ST7L: variants seen among roughly 807,000 people sequenced by gnomAD.
ST7L encodes the protein suppressor of tumorigenicity 7 protein-like.
ST7L carries 57 observed loss-of-function variants against 72.5 expected under a neutral mutation model. That is an observed-to-expected ratio of 0.79 (90% confidence interval 0.64 to 0.98). The LOEUF (loss-of-function observed/expected upper bound fraction) is 0.98. Ranked by LOEUF, ST7L falls within the 50% of genes least tolerant of loss-of-function variation. ST7L has a pLI of 0.00. For synonymous variants in ST7L, 221 were observed against 240.9 expected (o/e 0.92, Z 0.77); for missense variants, 576 against 672.2 (o/e 0.86, Z 1.58).
intron 11 of ST7L, among the ~76,000 whole-genome samples, chr1:112,573,348 C>CAAAAAAAAAAAAAAAACAAAAAAA: frequency 1.4e-5 from 1 of 69,664 alleles, no homozygotes; most frequent in Non-Finnish European, 2.7e-5. Context: ...AACTCCCTCT[C>CAAAAAAAAAAAAAAAACAAAAAAA]AAAAAAAAAA....
At chr1:112,565,745 A>C (rs1048948331) in intron 11 of ST7L, among the ~76,000 whole-genome samples, 1 of 152,144 alleles carries the variant, frequency 6.6e-6, no homozygotes, top group African/African-American at 2.4e-5. Context: ...GGCCAGGCAC[A>C]GTGGCTCATG....
chr1:112,603,643 G>A (rs562580178), intron 3 of ST7L, among the ~76,000 whole-genome samples: 2 of 152,296 alleles, frequency 1.3e-5, no homozygotes, highest in South Asian at 4.1e-4. Flanking sequence ...CACAATGTGT[G>A]TATAGCTCAG....
intron 5 of ST7L, among the ~76,000 whole-genome samples, chr1:112,593,032 A>G (rs1665935373): frequency 6.6e-6 from 1 of 151,912 alleles, no homozygotes; most frequent in South Asian, 2.1e-4. Context: ...AGTGTAACAC[A>G]GTATAATCAG....
At chr1:112,548,766 A>C (rs956190384) in intron 13 of ST7L, among the ~76,000 whole-genome samples, 2 of 152,246 alleles carry the variant, frequency 1.3e-5, no homozygotes, top group African/African-American at 4.8e-5. Flanking sequence ...ACTAGTTTAC[A>C]GAGGAAAGAA....
intron 2 of ST7L, among the ~76,000 whole-genome samples, chr1:112,614,808 G>C (rs752431809): frequency 1.3e-5 from 2 of 152,068 alleles, no homozygotes; most frequent in Non-Finnish European, 2.9e-5. Context: ...AATTTAAAGG[G>C]AAGAGAAAAA....
At chr1:112,614,871 A>G (rs1249707648) in intron 2 of ST7L, among the ~76,000 whole-genome samples, 2 of 152,240 alleles carry the variant, frequency 1.3e-5, no homozygotes, top group African/African-American at 4.8e-5. Flanking sequence ...CTGCAGCAGT[A>G]TTGTTCCAAA....
At chr1:112,551,920 T>C (rs1283562500) in intron 12 of ST7L, among the ~76,000 whole-genome samples, 2 of 152,158 alleles carry the variant, frequency 1.3e-5, no homozygotes, top group Non-Finnish European at 2.9e-5. Context: ...CCAAAACACT[T>C]CTTATATTAA....
chr1:112,544,009 AT>A (rs1315299499), intron 13 of ST7L, among the ~76,000 whole-genome samples: 1 of 151,832 alleles, frequency 6.6e-6, no homozygotes, highest in African/African-American at 2.4e-5. Flanking sequence ...ATATTTCGTT[AT>A]CAATTATACT....
At chr1:112,529,155 AGTGT>A (rs1296799594) in intron 14 of ST7L, 2 of 99,990 alleles carry the variant, frequency 2.0e-5, no homozygotes, top group African/African-American at 5.7e-5. Context: ...TGTGGCACTG[AGTGT>A]GTGTGTGTTT....
At chr1:112,601,948 C>T (rs1251315716) in intron 3 of ST7L, among the ~76,000 whole-genome samples, 2 of 151,846 alleles carry the variant, frequency 1.3e-5, no homozygotes, top group Non-Finnish European at 2.9e-5. Context: ...CATGGTGGTG[C>T]GTGCCTGTAA....
chr1:112,525,267 AAG>A lies in ST7L; in HGVS notation c.*744_*745del, dbSNP rs1373970291. ...TTTGGATTCCAGGGATGATCTCCATAAGAGAGAAGCACTGGAAAAGACCAAGT... is the reference window on the plus strand; with the variant it reads ...TTTGGATTCCAGGGATGATCTCCATAAGAGAAGCACTGGAAAAGACCAAGT... On this transcript the variant is annotated 3_prime_UTR_variant, in exon 15 of 15. Coordinates refer to ENST00000358039, the MANE Select transcript of ST7L (RefSeq NM_017744.5). The A allele has an allele frequency of 6.6e-6, 1 of 152,228 alleles. No individual in the cohort carries two copies. Among genetic ancestry groups the A allele is most frequent in the African/African-American group, 2.4e-5 (1 of 41,458 alleles). 9.4% of individuals were successfully genotyped at this position (152,228 alleles called of 1,614,324 possible). A position where few individuals can be genotyped will look rare whatever the true frequency, so the allele number is the denominator to read the frequency against.
rs575379060 is a variant in ST7L at position 112,556,991 on chromosome 1, A to C, written c.1246-973T>G. ...CAAAAAAAAAAAAAAAAAACAAAAAAAAAAAAACACAAAGAAAAGAAAAAA... is the reference window on the plus strand; with the variant it reads ...CAAAAAAAAAAAAAAAAAACAAAAACAAAAAAACACAAAGAAAAGAAAAAA... On this transcript the variant is annotated intron_variant, in intron 11 of 14. Coordinates refer to ENST00000358039, the MANE Select transcript of ST7L (RefSeq NM_017744.5). Among the ~76,000 whole-genome samples, 54 of 143,610 alleles carry C rather than the reference A, an allele frequency of 3.8e-4. 1 individual carries two copies. Among genetic ancestry groups the C allele is most frequent in the Non-Finnish European group, 6.1e-4 (41 of 67,280 alleles). The allele number at this position is 143,610 out of a possible 152,430, so 94.2% of individuals were successfully genotyped here.
intron 11 of ST7L, among the ~76,000 whole-genome samples, chr1:112,573,554 G>A (rs955132751): frequency 5.4e-4 from 82 of 152,102 alleles, no homozygotes; most frequent in African/African-American, 1.8e-3. Flanking sequence ...CTTAGAAATT[G>A]AATTTGTAAT....
At chr1:112,566,359 G>A (rs1031548256) in intron 11 of ST7L, among the ~76,000 whole-genome samples, 5 of 143,656 alleles carry the variant, frequency 3.5e-5, no homozygotes, top group Admixed American at 1.4e-4. Flanking sequence ...GTGCAGTGGC[G>A]TGATATAGGC....
intron 3 of ST7L, among the ~76,000 whole-genome samples, chr1:112,605,441 A>G (rs2100983407): frequency 6.6e-6 from 1 of 151,980 alleles, no homozygotes; most frequent in East Asian, 1.9e-4. Context: ...CTGTAATCCC[A>G]GCACTTTGGG....
intron 6 of ST7L, among the ~76,000 whole-genome samples, chr1:112,590,548 G>T (rs1665538445): frequency 6.6e-6 from 1 of 152,108 alleles, no homozygotes; most frequent in Non-Finnish European, 1.5e-5. Flanking sequence ...GGGGGAGAAG[G>T]TTCAGGGAAC....
At chr1:112,579,399 AAC>A (rs1171757333) in intron 9 of ST7L, among the ~76,000 whole-genome samples, 40 of 147,882 alleles carry the variant, frequency 2.7e-4, no homozygotes, top group South Asian at 1.9e-3. Flanking sequence ...AAAAAAAAAA[AAC>A]AATAAAAAAA....
At chr1:112,572,549 ACT>A (rs1662320588) in intron 11 of ST7L, among the ~76,000 whole-genome samples, 1 of 152,182 alleles carries the variant, frequency 6.6e-6, no homozygotes, top group African/African-American at 2.4e-5. Context: ...AATAAATATA[ACT>A]CTAAATCAAA....
chr1:112,613,888 G>A (rs559546185), intron 2 of ST7L, among the ~76,000 whole-genome samples: 28 of 151,980 alleles, frequency 1.8e-4, no homozygotes, highest in African/African-American at 6.8e-4. Context: ...CCACCACAAC[G>A]CGCTAAATTT....
Sources: allele counts gnomAD v4.1 joint callset (sites outside exome capture counted in the v4.1 genomes callset), GRCh38; gene constraint gnomAD v4.1.1; transcripts MANE v1.5; gene names NCBI Gene and HGNC (gene_info 2026-07-23, HGNC 2026-07-21).